Variants in POLE4 observed in about 807,000 individuals in gnomAD.
POLE4 encodes the protein DNA polymerase epsilon 4, accessory subunit.
In POLE4, 15 loss-of-function variants were observed where a neutral mutation model predicts 15.6. That is an observed-to-expected ratio of 0.96 (90% CI 0.64 to 1.48). The LOEUF is 1.48. POLE4 is among the 40% of genes most tolerant of loss of function. POLE4 has a pLI of 0.00. For missense variants in POLE4, 205 were observed against 151.9 expected (o/e 1.35, Z -1.84); for synonymous variants, 83 against 63.2 (o/e 1.31, Z -1.49).
At chr2:74,964,665 T>A (rs1671271256) in intron 3 of POLE4, among the ~76,000 whole-genome samples, 1 of 152,164 alleles carries the variant, frequency 6.6e-6, no homozygotes, top group African/African-American at 2.4e-5. Flanking sequence ...AACTAGCATC[T>A]TTCTTAGCTG....
chr2:74,959,424 G>C lies in POLE4; in HGVS notation c.297G>C (p.Leu99Phe), dbSNP rs1671183068. 2 of 1,601,242 alleles carry C rather than the reference G, an allele frequency of 1.2e-6. No homozygotes were observed. The highest frequency in any genetic ancestry group is 8.6e-7 in the Non-Finnish European group (1 of 1,168,538). Residue 99 changes from leucine to phenylalanine, a missense_variant and splice_region_variant, in exon 2 of 4, where the codon TTG becomes TTC. Transcript: ENST00000483063. ...GGAAAACCCTTCAGAGGAGAGACTT[G>C]GGTAGAGTGGCACTGCAGTGTCTGG... Reference protein sequence around the residue: ...GKRKTLQRRDLDNAIEAVDEF... With the variant: ...GKRKTLQRRDFDNAIEAVDEF...
Position 74,958,847 on chromosome 2 carries a change from G to A in POLE4, c.168G>A (p.Val56=), listed in dbSNP as rs142493904. 6.8e-3 allele frequency: 10,588 copies of A among 1,561,440 alleles called. 44 individuals carry two copies. Among genetic ancestry groups the A allele is most frequent in the Non-Finnish European group, 8.2e-3 (9,417 of 1,152,862 alleles). The change falls in exon 1 of 4, where the codon GTG becomes GTA. Residue 56 remains valine, a synonymous_variant. Transcript: ENST00000483063. ...CCTTGGTGAAGGCAGATCCCGACGTGACGCTAGCGGGACAGGAAGCCATCT... is the reference window on the plus strand; with the variant it reads ...CCTTGGTGAAGGCAGATCCCGACGTAACGCTAGCGGGACAGGAAGCCATCT... ...VKALVKADPD[V]TLAGQEAIFI...
chr2:74,964,004 T>A (rs1671262919), intron 3 of POLE4, among the ~76,000 whole-genome samples: 1 of 146,120 alleles, frequency 6.8e-6, no homozygotes, highest in African/African-American at 2.4e-5. Flanking sequence ...TATGCTAAAA[T>A]CTTTATAGTT....
At position 74,958,721 on chromosome 2, in the gene POLE4, G is replaced by A. The variant is rs1267323662; in HGVS notation, c.42G>A (p.Glu14=). The A allele has an allele frequency of 6.0e-6, 9 of 1,504,734 alleles. No individual in the cohort carries two copies. Among genetic ancestry groups the A allele is most frequent in the Admixed American group, 2.4e-5 (1 of 41,618 alleles). 93.2% of individuals were successfully genotyped at this position (1,504,734 alleles called of 1,614,324 possible). ...AAAAGSGTPR[E]EEGPAGEAAA... ...CGGCAGGAAGCGGGACGCCCCGAGAGGAGGAGGGACCTGCTGGGGAGGCAG... is the reference window on the plus strand; with the variant it reads ...CGGCAGGAAGCGGGACGCCCCGAGAAGAGGAGGGACCTGCTGGGGAGGCAG... Residue 14 remains glutamate (E), a synonymous_variant, in exon 1 of 4, where the codon GAG becomes GAA. Transcript: ENST00000483063.
intron 3 of POLE4, among the ~76,000 whole-genome samples, chr2:74,966,491 T>C (rs1671298150): frequency 6.6e-6 from 1 of 152,198 alleles, no homozygotes; most frequent in African/African-American, 2.4e-5. Context: ...AACCTCTGCC[T>C]CCTGGGTTCA....
chr2:74,960,051 A>G (rs890535480), intron 2 of POLE4, 54 bp from the exon 3 acceptor site: 21 of 1,509,474 alleles, frequency 1.4e-5, no homozygotes, highest in Non-Finnish European at 1.9e-5. Flanking sequence ...CTGTTTTCTG[A>G]CTGAGGTCAG....
chr2:74,964,987 G>A (rs1383654082), intron 3 of POLE4, among the ~76,000 whole-genome samples: 1 of 151,822 alleles, frequency 6.6e-6, no homozygotes, highest in African/African-American at 2.4e-5. Flanking sequence ...TTTTTTAACA[G>A]ATTATGAATG....
intron 3 of POLE4, among the ~76,000 whole-genome samples, chr2:74,968,299 T>C (rs966438353): frequency 2.0e-5 from 3 of 152,228 alleles, no homozygotes; most frequent in African/African-American, 7.2e-5. Context: ...GTTTTTATTT[T>C]CCCTATATTA....
At chr2:74,960,288 A>G (rs1671197178) in intron 3 of POLE4, 142 bp downstream of exon 3, 3 of 729,856 alleles carry the variant, frequency 4.1e-6, no homozygotes, top group Non-Finnish European at 7.2e-6. Context: ...GAAAAAAGTA[A>G]CTTGCTAAAC....
intron 3 of POLE4, among the ~76,000 whole-genome samples, chr2:74,963,141 TATATA>T (rs1671248409): frequency 6.6e-6 from 1 of 152,250 alleles, no homozygotes; most frequent in South Asian, 2.1e-4. Context: ...GTGTATAAAA[TATATA>T]ATACTGCTGG....
At chr2:74,965,090 A>ATT (rs35849174) in intron 3 of POLE4, among the ~76,000 whole-genome samples, 3 of 124,938 alleles carry the variant, frequency 2.4e-5, no homozygotes, top group Non-Finnish European at 3.4e-5. Context: ...CTTTTTATCT[A>ATT]TTTTTTTTTT....
intron 3 of POLE4, among the ~76,000 whole-genome samples, chr2:74,963,598 G>A (rs2103678411): frequency 6.6e-6 from 1 of 151,978 alleles, no homozygotes; most frequent in East Asian, 1.9e-4. Context: ...CCCCTCCCAC[G>A]TTCAAGAGAT....
chr2:74,962,892 T>C (rs959221544), intron 3 of POLE4, among the ~76,000 whole-genome samples: 2 of 152,248 alleles, frequency 1.3e-5, no homozygotes, highest in African/African-American at 4.8e-5. Flanking sequence ...TCTCTGCAAA[T>C]GGAACCAAAC....
chr2:74,967,965 G>A (rs1230514103), intron 3 of POLE4, among the ~76,000 whole-genome samples: 1 of 152,204 alleles, frequency 6.6e-6, no homozygotes, highest in Non-Finnish European at 1.5e-5. Flanking sequence ...AAAGATGGGT[G>A]TCAGACTTCC....
In POLE4 at chr2:74,958,760, C is replaced by A; in HGVS notation, c.81C>A (p.Pro27=). 5 of 1,540,720 alleles carry A rather than the reference C, an allele frequency of 3.2e-6. No homozygotes were observed. Among genetic ancestry groups the A allele is most frequent in the Non-Finnish European group, 3.5e-6 (4 of 1,142,620 alleles). ...CTGGGGAGGCAGCGGCCTCGCAGCCCCAGGCCCCAACGAGTGTGCCTGGGG... is the reference window on the plus strand; with the variant it reads ...CTGGGGAGGCAGCGGCCTCGCAGCCACAGGCCCCAACGAGTGTGCCTGGGG... The part of the protein sequence containing the change: ...GPAGEAAASQ[P]QAPTSVPGAR... The change falls in exon 1 of 4, where the codon CCC becomes CCA. Residue 27 remains proline (P), a synonymous_variant. Transcript: ENST00000483063.
intron 2 of POLE4, chr2:74,959,865 C>T: frequency 2.0e-6 from 1 of 507,250 alleles, no homozygotes; most frequent in Non-Finnish European, 3.5e-6. Context: ...ATTTAGGAGG[C>T]CCCCAACCCC....
chr2:74,960,461 CCT>C (rs1558827240), intron 3 of POLE4: 2 of 467,966 alleles, frequency 4.3e-6, no homozygotes, highest in African/African-American at 4.0e-5. Flanking sequence ...GCTTGCCCCC[CCT>C]CATCATGTTA....
At position 74,959,358 on chromosome 2, in the gene POLE4, C is replaced by T. The variant is rs1671180920; in HGVS notation, c.231C>T (p.Thr77=). The T allele has an allele frequency of 6.2e-7, 1 of 1,613,214 alleles. No individual in the cohort carries two copies. The highest frequency in any genetic ancestry group is 8.5e-7 in the Non-Finnish European group (1 of 1,179,314). ...CTTCACAGGAACTGTTTGTGGAGACCATTGCAAAAGATGCCTACTGTTGCG... is the reference window on the plus strand; with the variant it reads ...CTTCACAGGAACTGTTTGTGGAGACTATTGCAAAAGATGCCTACTGTTGCG... ...LARAAELFVE[T]IAKDAYCCAQ... is the part of the protein sequence containing the mutation. The change falls in exon 2 of 4, where the codon ACC becomes ACT. Residue 77 remains threonine (T), a synonymous_variant. Coordinates refer to ENST00000483063, the MANE Select transcript of POLE4 (RefSeq NM_019896.4).
chr2:74,962,339 A>G (rs1671231308), intron 3 of POLE4, among the ~76,000 whole-genome samples: 1 of 152,154 alleles, frequency 6.6e-6, no homozygotes, highest in South Asian at 2.1e-4. Flanking sequence ...GTTCACATCT[A>G]GCTATCAATT....
Sources: allele counts gnomAD v4.1 joint callset (sites outside exome capture counted in the v4.1 genomes callset), GRCh38; gene constraint gnomAD v4.1.1; transcripts MANE v1.5; gene names NCBI Gene and HGNC (gene_info 2026-07-23, HGNC 2026-07-21).